Variants in SARDH observed in about 807,000 individuals in gnomAD.
The protein encoded by SARDH is sarcosine dehydrogenase, mitochondrial.
A neutral mutation model predicts 109.1 loss-of-function variants in SARDH; 95 were observed. The observed-to-expected ratio is 0.87, with a 90% CI of 0.74 to 1.03. SARDH has a LOEUF of 1.03. Ranked by LOEUF, SARDH falls within the 50% of genes least tolerant of loss-of-function variation. The probability of loss-of-function intolerance (pLI) is 0.00; values close to 1 mark genes in which losing one functional copy is unlikely to be tolerated. For missense variants in SARDH, 1,267 were observed against 1,287.8 expected (o/e 0.98, Z 0.25); for synonymous variants, 572 against 534.8 (o/e 1.07, Z -0.96).
At chr9:133,674,348 C>T (rs933783567) in intron 17 of SARDH, among the ~76,000 whole-genome samples, 5 of 152,232 alleles carry the variant, frequency 3.3e-5, no homozygotes, top group African/African-American at 1.2e-4. Flanking sequence ...GTGCACCAAG[C>T]ACATGGTCCC....
intron 18 of SARDH, 38 bp downstream of exon 18, chr9:133,671,497 C>T (rs1405551876): frequency 2.0e-6 from 3 of 1,514,720 alleles, no homozygotes; most frequent in South Asian, 2.5e-5. Flanking sequence ...CCCCACTGCG[C>T]CCGCCCCCGC....
At chr9:133,722,640 GCGCTCT>G (rs1025021639) in intron 6 of SARDH, among the ~76,000 whole-genome samples, 2 of 98,820 alleles carry the variant, frequency 2.0e-5, no homozygotes, top group African/African-American at 4.2e-5. Flanking sequence ...AAAACTACTA[GCGCTCT>G]CTCTCTCTCT....
intron 5 of SARDH, 58 bp from the exon 6 acceptor site, chr9:133,729,923 A>G: frequency 6.3e-7 from 1 of 1,597,550 alleles, no homozygotes; most frequent in South Asian, 1.1e-5. Context: ...GCTGCCTCTC[A>G]GGTGTGCACA....
intron 6 of SARDH, among the ~76,000 whole-genome samples, chr9:133,722,642 G>GCTCTCTCTCTCTCCCTCTCTCTCTCTCT (rs1832363450): frequency 6.9e-6 from 1 of 145,748 alleles, no homozygotes; most frequent in African/African-American, 2.6e-5. Flanking sequence ...AACTACTAGC[G>GCTCTCTCTCTCTCCCTCTCTCTCTCTCT]CTCTCTCTCT....
rs534791266 is a variant in SARDH, at chr9:133,709,118, C to A, written c.1329-690G>T. Among the ~76,000 whole-genome samples the A allele has an allele frequency of 2.6e-5, 4 of 152,250 alleles. No homozygotes were observed. In the South Asian group the frequency reaches 8.3e-4, roughly 32 times the overall value. On this transcript the variant is annotated intron_variant, in intron 10 of 20. Transcript: ENST00000439388. The surrounding 1 kb of genome is among the most constrained non-coding windows in gnomAD (Gnocchi z 4.2). The stretch of plus-strand genomic sequence containing the variant: ...GCGCCTGGGACCGGAGATGATGTGG[C>A]TGCAATAGTTTTGGGTTTGTTCCTT...
At chr9:133,699,475 C>T (rs1402165976) in intron 13 of SARDH, among the ~76,000 whole-genome samples, 1 of 152,114 alleles carries the variant, frequency 6.6e-6, no homozygotes, top group Non-Finnish European at 1.5e-5. Context: ...CATTGCACTC[C>T]AGCCTGGGCA....
At chr9:133,680,531 A>G (rs1043847573) in intron 17 of SARDH, among the ~76,000 whole-genome samples, 1 of 152,204 alleles carries the variant, frequency 6.6e-6, no homozygotes, top group Admixed American at 6.5e-5. Context: ...AAAAACTGTA[A>G]CATTGACACT....
chr9:133,712,736 C>A lies in SARDH; in HGVS notation c.1238-27G>T, dbSNP rs369009863. On this transcript the variant is annotated intron_variant, in intron 9 of 20. Coordinates refer to ENST00000439388, the MANE Select transcript of SARDH (RefSeq NM_001134707.2). The surrounding 1 kb of genome is among the most constrained non-coding windows in gnomAD (Gnocchi z 4.1). ...TGGCAGGAAGAGAAGCGCAGGGCTG[C>A]GGTCTGCCCCCCAGGGTCCCCCACC... 1.3e-6 allele frequency: 2 copies of A among 1,593,890 alleles called. No homozygotes were observed. Among genetic ancestry groups the A allele is most frequent in the East Asian group, 2.2e-5 (1 of 44,776 alleles).
chr9:133,684,570 C>G (rs1026497695), intron 17 of SARDH, among the ~76,000 whole-genome samples: 1 of 152,060 alleles, frequency 6.6e-6, no homozygotes, highest in African/African-American at 2.4e-5. Flanking sequence ...GGCCCCGATC[C>G]TGGTCTCTGA....
At chr9:133,668,156 GC>G (rs1434626012) in intron 19 of SARDH, among the ~76,000 whole-genome samples, 1 of 151,820 alleles carries the variant, frequency 6.6e-6, no homozygotes, top group Non-Finnish European at 1.5e-5. Flanking sequence ...TCTGCAAGGG[GC>G]CCCCTCTCCA....
chr9:133,685,479 C>T (rs1314206222), intron 16 of SARDH, among the ~76,000 whole-genome samples, 193 bp from the exon 17 acceptor site: 6 of 152,206 alleles, frequency 3.9e-5, no homozygotes, highest in African/African-American at 1.2e-4. Context: ...CACCTTCCAA[C>T]GGGGTAACGC....
At chr9:133,716,713 C>T (rs776777358) in intron 8 of SARDH, among the ~76,000 whole-genome samples, 2 of 152,230 alleles carry the variant, frequency 1.3e-5, no homozygotes, top group African/African-American at 2.4e-5. Flanking sequence ...GCTAAGTTCT[C>T]CTGGGGCTAG....
intron 13 of SARDH, 66 bp downstream of exon 13, chr9:133,702,850 G>C: frequency 6.8e-7 from 1 of 1,471,818 alleles, no homozygotes; most frequent in South Asian, 1.2e-5. Context: ...GCCGAGGGCC[G>C]GCGCAATGGC....
In SARDH at chr9:133,663,569, G is replaced by C. The variant is rs905068073; in HGVS notation, c.*320C>G. ...CCTATTTGCTTCGCTGTTTTCACGT[G>C]GGGCTTATCAAGTATTTACTAAGCA... On this transcript the variant is annotated 3_prime_UTR_variant, in exon 21 of 21. Transcript: ENST00000439388. The C allele has an allele frequency of 4.7e-5, 16 of 340,210 alleles. No homozygotes were observed. The highest frequency in any genetic ancestry group is 8.0e-5 in the Non-Finnish European group (15 of 187,152). 21.1% of individuals were successfully genotyped at this position (340,210 alleles called of 1,614,324 possible).
At chr9:133,689,985 C>T (rs1443071430) in intron 16 of SARDH, among the ~76,000 whole-genome samples, 3 of 152,170 alleles carry the variant, frequency 2.0e-5, no homozygotes, top group Non-Finnish European at 4.4e-5. Context: ...GAGCCAGGGA[C>T]CCCTCGGTAT....
intron 13 of SARDH, among the ~76,000 whole-genome samples, chr9:133,700,622 T>G (rs777895240): frequency 6.6e-6 from 1 of 152,060 alleles, no homozygotes; most frequent in Non-Finnish European, 1.5e-5. Context: ...GGTTGTACAA[T>G]CCCGTGAACT....
At position 133,694,284 on chromosome 9, in the gene SARDH, G is replaced by A. The variant is rs896197065; in HGVS notation, c.1895C>T (p.Ala632Val). The A allele has an allele frequency of 5.8e-6, 9 of 1,550,114 alleles. No homozygotes were observed. The highest frequency in any genetic ancestry group is 2.7e-5 in the African/African-American group (2 of 73,034). Residue 632 changes from alanine (A) to valine (V), a missense_variant, in exon 15 of 21, where the codon GCC (alanine) becomes GTC (valine). Physicochemically the swap from Ala to Val is moderately conservative, Grantham distance 64. Coordinates refer to ENST00000439388, the MANE Select transcript of SARDH (RefSeq NM_001134707.2). ...TVSRLAPSHQ[A>V]SPLAPAFEGD... The stretch of plus-strand genomic sequence containing the variant: ...TTCAAAGGCGGGGGCCAGCGGGGAG[G>A]CCTGGTGGCTGGGTGCCAGGCGGCT...
chr9:133,679,964 C>T (rs565225221), intron 17 of SARDH, among the ~76,000 whole-genome samples: 4 of 152,376 alleles, frequency 2.6e-5, no homozygotes, highest in African/African-American at 9.6e-5. Flanking sequence ...GCATTCCTCG[C>T]CTGCATCTGG....
chr9:133,671,378 G>A (rs1172565788), intron 18 of SARDH, among the ~76,000 whole-genome samples, 157 bp downstream of exon 18: 1 of 152,104 alleles, frequency 6.6e-6, no homozygotes, highest in East Asian at 1.9e-4. Context: ...AGGATGTCAG[G>A]CGCTGGGGTG....
Sources: gnomAD v4.1 joint callset for allele counts (sites outside exome capture counted in the v4.1 genomes callset) on GRCh38, gnomAD v4.1.1 for gene constraint, Gnocchi (gnomAD v3.1) non-coding constraint, MANE v1.5 for transcripts, NCBI Gene and HGNC (gene_info 2026-07-23, HGNC 2026-07-21) for gene names.